The following OR6N1 variants were observed in gnomAD, a reference collection of about 807,000 sequenced individuals.
OR6N1 encodes olfactory receptor family 6 subfamily N member 1.
For synonymous variants in OR6N1, 170 were observed against 150.7 expected (o/e 1.13, Z -0.94); for missense variants, 394 against 371.7 (o/e 1.06, Z -0.49).
chr1:158,770,560 T>C (rs766836493), intron 1 of OR6N1, among the ~76,000 whole-genome samples: 97 of 152,376 alleles, frequency 6.4e-4, no homozygotes, highest in South Asian at 1.4e-3. Flanking sequence ...CTTTAGGAAC[T>C]ATCACTTTCC....
At chr1:158,782,727 C>T in the OR6N1 span, among the ~76,000 whole-genome samples, 1 of 152,134 alleles carries the variant, frequency 6.6e-6, no homozygotes, top group Non-Finnish European at 1.5e-5. Context: ...TGAGAAAGAT[C>T]ATATCAGTCA....
chr1:158,803,888 T>C, the OR6N1 span, among the ~76,000 whole-genome samples: 1 of 152,240 alleles, frequency 6.6e-6, no homozygotes, highest in Non-Finnish European at 1.5e-5. Flanking sequence ...ACTTGGCATT[T>C]ATTCTGTATC....
At chr1:158,793,180 T>G in the OR6N1 span, among the ~76,000 whole-genome samples, 7 of 148,952 alleles carry the variant, frequency 4.7e-5, no homozygotes, top group Non-Finnish European at 9.0e-5. Flanking sequence ...TATCCTGAAG[T>G]TTTTTTTTTA....
chr1:158,769,796 G>A (rs7514527), intron 1 of OR6N1, among the ~76,000 whole-genome samples: 45,313 of 151,984 alleles, frequency 0.3, 7,295 homozygotes, highest in African/African-American at 0.39. Flanking sequence ...ACTACTTCCG[G>A]GCCAAACTTT....
At chr1:158,818,461 A>C in the OR6N1 span, among the ~76,000 whole-genome samples, 5 of 152,218 alleles carry the variant, frequency 3.3e-5, no homozygotes, top group African/African-American at 1.2e-4. Context: ...TGATGTAGTC[A>C]GTCTCTGTTC....
At chr1:158,811,771 C>G in the OR6N1 span, among the ~76,000 whole-genome samples, 1 of 152,152 alleles carries the variant, frequency 6.6e-6, no homozygotes, top group Non-Finnish European at 1.5e-5. Context: ...ACACGGATCA[C>G]ATCAATATAG....
the OR6N1 span, among the ~76,000 whole-genome samples, chr1:158,803,258 C>T: frequency 6.6e-6 from 1 of 152,148 alleles, no homozygotes; most frequent in Admixed American, 6.5e-5. Context: ...ACTAATGTGA[C>T]TTTGGGATTG....
chr1:158,809,490 G>T, the OR6N1 span, among the ~76,000 whole-genome samples: 4 of 152,140 alleles, frequency 2.6e-5, no homozygotes, highest in Non-Finnish European at 4.4e-5. Flanking sequence ...AAGCAGAAAT[G>T]GTTGGCCCCA....
chr1:158,819,168 G>A, the OR6N1 span, among the ~76,000 whole-genome samples: 4,596 of 152,204 alleles, frequency 0.03, 208 homozygotes, highest in African/African-American at 0.11. Context: ...GGGAGCTTTG[G>A]GGAGGCTCCA....
At chr1:158,777,699 C>T in the OR6N1 span, 4 of 1,031,424 alleles carry the variant, frequency 3.9e-6, no homozygotes, top group African/African-American at 6.4e-5. Flanking sequence ...GAATCCATGC[C>T]AAAACTTCAT....
chr1:158,828,433 C>T, the OR6N1 span, among the ~76,000 whole-genome samples: 1 of 152,216 alleles, frequency 6.6e-6, no homozygotes, highest in Non-Finnish European at 1.5e-5. Flanking sequence ...CTACAGGCCC[C>T]ATGCAAGTCC....
At chr1:158,818,449 A>G in the OR6N1 span, among the ~76,000 whole-genome samples, 6 of 152,214 alleles carry the variant, frequency 3.9e-5, no homozygotes, top group African/African-American at 1.4e-4. Context: ...AAATCCCCCT[A>G]TTGATGTAGT....
the OR6N1 span, among the ~76,000 whole-genome samples, chr1:158,789,777 T>C: frequency 6.6e-6 from 1 of 152,226 alleles, no homozygotes; most frequent in Non-Finnish European, 1.5e-5. Context: ...TTTTCTCCCA[T>C]TGTGTGGGTT....
At chr1:158,801,367 C>T in the OR6N1 span, among the ~76,000 whole-genome samples, 1 of 152,062 alleles carries the variant, frequency 6.6e-6, no homozygotes, top group Non-Finnish European at 1.5e-5. Flanking sequence ...AAAGAAATGT[C>T]CCATCTGTCA....
the OR6N1 span, among the ~76,000 whole-genome samples, chr1:158,833,729 A>G: frequency 6.6e-6 from 1 of 152,110 alleles, no homozygotes. Context: ...AAGAAACCAT[A>G]TTTCTTTTTA....
chr1:158,818,004 T>G, the OR6N1 span, among the ~76,000 whole-genome samples: 2 of 152,150 alleles, frequency 1.3e-5, no homozygotes, highest in African/African-American at 4.8e-5. Flanking sequence ...AAAACCAGAG[T>G]GATGATGAAA....
At chr1:158,779,795 A>G in the OR6N1 span, among the ~76,000 whole-genome samples, 3 of 152,316 alleles carry the variant, frequency 2.0e-5, no homozygotes, top group South Asian at 4.1e-4. Flanking sequence ...CCTTAAATAT[A>G]CTTTTACTGA....
At chr1:158,768,285 C>T (rs1657328551) in intron 1 of OR6N1, among the ~76,000 whole-genome samples, 2 of 152,190 alleles carry the variant, frequency 1.3e-5, no homozygotes, top group Admixed American at 1.3e-4. Flanking sequence ...CTACTCCAGA[C>T]TCATATATTT....
the OR6N1 span, among the ~76,000 whole-genome samples, chr1:158,819,563 C>T: frequency 6.6e-6 from 1 of 152,124 alleles, no homozygotes; most frequent in Non-Finnish European, 1.5e-5. Context: ...TTGACTCCTT[C>T]TTTAAAGGAA....
Sources: allele counts gnomAD v4.1 joint callset (sites outside exome capture counted in the v4.1 genomes callset), GRCh38; gene constraint gnomAD v4.1.1; transcripts MANE v1.5; gene names NCBI Gene and HGNC (gene_info 2026-07-23, HGNC 2026-07-21).